ASPH: variants seen among roughly 807,000 people sequenced by gnomAD.
ASPH encodes the protein aspartate beta-hydroxylase.
Under a neutral mutation model 118.4 loss-of-function variants are expected in ASPH, and 100 were observed. The ratio of observed to expected loss-of-function variants is 0.84; its 90% CI spans 0.72 to 1.00. The LOEUF is 1.00. Among genes scored for constraint, ASPH ranks in the 50% least tolerant of loss-of-function variants. The pLI is 0.00. For missense variants in ASPH, 920 were observed against 919.5 expected (o/e 1.00, Z -0.01); for synonymous variants, 315 against 325.6 (o/e 0.97, Z 0.35).
At chr8:61,666,368 A>G (rs1819614070) in intron 3 of ASPH, among the ~76,000 whole-genome samples, 1 of 152,228 alleles carries the variant, frequency 6.6e-6, no homozygotes, top group African/African-American at 2.4e-5. Context: ...CTTGCTTTAC[A>G]TGGTAATAAA....
intron 14 of ASPH, among the ~76,000 whole-genome samples, chr8:61,605,374 C>T (rs1348138549): frequency 6.6e-6 from 1 of 152,084 alleles, no homozygotes; most frequent in Non-Finnish European, 1.5e-5. Context: ...ATGACACCAG[C>T]GACAAAGCCA....
intron 10 of ASPH, among the ~76,000 whole-genome samples, chr8:61,641,924 T>C (rs1805312020): frequency 1.3e-5 from 2 of 152,220 alleles, no homozygotes; most frequent in Admixed American, 6.5e-5. Context: ...TTGAGGATAA[T>C]GGAATAAAAA....
chr8:61,625,107 T>C (rs1337708908), intron 13 of ASPH: 1 of 985,622 alleles, frequency 1.0e-6, no homozygotes, highest in African/African-American at 1.7e-5. Flanking sequence ...AAACCACTTC[T>C]TATGGCTTTG....
rs184279780 is a variant in ASPH at position 61,601,878 on chromosome 8, G to A, written c.976+17100C>T. 5.1e-3 allele frequency among the ~76,000 whole-genome samples: 778 copies of A among 151,390 alleles called. 7 individuals are homozygous for A. Among genetic ancestry groups the A allele is most frequent in the Non-Finnish European group, 5.7e-3 (386 of 67,994 alleles). ...TGTCAATTAACTCAACAAATTAGATGAAATGAACACAATTCTTGAAAGACA... is the reference window on the plus strand; with the variant it reads ...TGTCAATTAACTCAACAAATTAGATAAAATGAACACAATTCTTGAAAGACA... On this transcript the variant is annotated intron_variant, in intron 14 of 24. Transcript: ENST00000379454.
chr8:61,640,263 G>A (rs368079311), intron 10 of ASPH, among the ~76,000 whole-genome samples: 2 of 152,164 alleles, frequency 1.3e-5, no homozygotes, highest in Non-Finnish European at 2.9e-5. Context: ...TAACTTAACT[G>A]TTCTCCCTGT....
At chr8:61,697,230 A>G (rs1458056511) in intron 1 of ASPH, among the ~76,000 whole-genome samples, 1 of 152,218 alleles carries the variant, frequency 6.6e-6, no homozygotes, top group Non-Finnish European at 1.5e-5. Flanking sequence ...ACAATTATGA[A>G]TTATAATACA....
intron 14 of ASPH, among the ~76,000 whole-genome samples, chr8:61,612,131 A>G (rs1427133211): frequency 6.6e-6 from 1 of 152,204 alleles, no homozygotes; most frequent in Non-Finnish European, 1.5e-5. Flanking sequence ...ATAAGTACAA[A>G]GAATTAAAGA....
chr8:61,588,526 A>C (rs751875330), intron 14 of ASPH, among the ~76,000 whole-genome samples: 3 of 152,234 alleles, frequency 2.0e-5, no homozygotes, highest in Non-Finnish European at 4.4e-5. Flanking sequence ...CATTCCACTG[A>C]AGACAGTGAA....
At chr8:61,579,105 C>G in intron 15 of ASPH, 1 of 1,609,192 alleles carries the variant, frequency 6.2e-7, no homozygotes, top group Non-Finnish European at 8.5e-7. Flanking sequence ...GGCTGGGAAG[C>G]ACGGGGATGA....
At chr8:61,680,038 A>G (rs951697302) in intron 3 of ASPH, among the ~76,000 whole-genome samples, 5 of 151,540 alleles carry the variant, frequency 3.3e-5, no homozygotes, top group African/African-American at 4.8e-5. Flanking sequence ...CATATTTGGA[A>G]CTTTATTTCA....
At chr8:61,632,655 T>C (rs755573019) in intron 13 of ASPH, 9 of 496,536 alleles carry the variant, frequency 1.8e-5, no homozygotes, top group South Asian at 1.3e-4. Flanking sequence ...ATTCTCTTAA[T>C]CAAATATTTG....
At chr8:61,554,991 G>A (rs893468169) in intron 19 of ASPH, among the ~76,000 whole-genome samples, 2 of 152,152 alleles carry the variant, frequency 1.3e-5, no homozygotes, top group African/African-American at 4.8e-5. Context: ...TGGGCTTACA[G>A]GTGGGAGCCA....
rs193035736 is a variant in ASPH, at chr8:61,546,128, C to G, written c.1764+1943G>C. 5.7e-3 allele frequency among the ~76,000 whole-genome samples: 865 copies of G among 152,334 alleles called. 5 individuals carry two copies. Among genetic ancestry groups the G allele is most frequent in the Non-Finnish European group, 9.3e-3 (636 of 68,032 alleles). ...TAGCTCAGCAATGTCACTCTCTCCC[C>G]CTCTCTTCCAGTGGCTGCTGGCAGC... On this transcript the variant is annotated intron_variant, in intron 21 of 24. Coordinates refer to ENST00000379454, the MANE Select transcript of ASPH (RefSeq NM_004318.4).
rs569351129 is a variant in ASPH, at chr8:61,689,804, T to C, written c.104-5616A>G. ...ACTGCATGCACTTGCCTACCAGAGC[T>C]TGAGACTGGCCAATCCCTGCACTGT... On this transcript the variant is annotated intron_variant, in intron 1 of 24. Coordinates refer to ENST00000379454, the MANE Select transcript of ASPH (RefSeq NM_004318.4). 25 of 1,483,146 alleles carry C rather than the reference T, an allele frequency of 1.7e-5. 1 individual carries two copies. In the South Asian group the frequency reaches 2.2e-4, roughly 13 times the overall value. 91.9% of individuals were successfully genotyped at this position (1,483,146 alleles called of 1,614,324 possible).
At chr8:61,518,425 C>T (rs1811680806) in intron 22 of ASPH, among the ~76,000 whole-genome samples, 1 of 152,082 alleles carries the variant, frequency 6.6e-6, no homozygotes. Flanking sequence ...AGGCCTTTGA[C>T]CTTGAATAAC....
At chr8:61,690,188 A>G (rs116848563) in intron 1 of ASPH, among the ~76,000 whole-genome samples, 611 of 152,344 alleles carry the variant, frequency 4.0e-3, no homozygotes, top group Non-Finnish European at 7.0e-3. Flanking sequence ...AGAATCTAAT[A>G]AAATGGCTAC....
In ASPH at chr8:61,589,497, ATCT is replaced by A. The variant is rs1481716897; in HGVS notation, c.977-5471_977-5469del. Among the ~76,000 whole-genome samples, 4 of 152,336 alleles carry A rather than the reference ATCT, an allele frequency of 2.6e-5. No individual in the cohort carries two copies. In the East Asian group the frequency reaches 5.8e-4, roughly 22 times the overall value. On this transcript the variant is annotated intron_variant, in intron 14 of 24. Transcript: ENST00000379454. The stretch of plus-strand genomic sequence containing the variant: ...AAAAAGGAAAAAACCCAACATGCGA[ATCT>A]AGACCTAGCTAGGCCCTCAATGACA...
intron 13 of ASPH, chr8:61,632,747 C>T: frequency 3.1e-6 from 1 of 320,274 alleles, no homozygotes. Context: ...TAAATATATT[C>T]TTTGATTATT....
At chr8:61,626,034 C>A (rs1852644374) in intron 13 of ASPH, 30 of 1,225,504 alleles carry the variant, frequency 2.4e-5, no homozygotes, top group Non-Finnish European at 3.1e-5. Context: ...TCCACTAATG[C>A]TATCAAAAGG....
Sources: gnomAD v4.1 joint callset for allele counts (sites outside exome capture counted in the v4.1 genomes callset) on GRCh38, gnomAD v4.1.1 for gene constraint, MANE v1.5 for transcripts, NCBI Gene and HGNC (gene_info 2026-07-23, HGNC 2026-07-21) for gene names.